The following PCDH15 variants were observed in gnomAD, a reference collection of about 807,000 sequenced individuals.
PCDH15 encodes the protein protocadherin-15.
A neutral mutation model predicts 178.5 loss-of-function variants in PCDH15; 129 were observed. The observed-to-expected ratio is 0.72, with a 90% CI of 0.63 to 0.84. The LOEUF is 0.84. Ranked by LOEUF, PCDH15 falls within the 40% of genes least tolerant of loss-of-function variation. The pLI is 0.00. For missense variants in PCDH15, 2,230 were observed against 2,099.9 expected, an observed-to-expected ratio of 1.06 and a Z score of -1.21; for synonymous variants, 800 against 732.0, an observed-to-expected ratio of 1.09 and a Z score of -1.50.
intron 2 of PCDH15, among the ~76,000 whole-genome samples, chr10:55,423,990 C>T (rs1206921731): frequency 6.6e-6 from 1 of 151,898 alleles, no homozygotes; most frequent in Non-Finnish European, 1.5e-5. Flanking sequence ...GTGTTGACTA[C>T]CAGAAATTGA....
At chr10:55,079,997 A>T (rs1841997087) in intron 2 of PCDH15, among the ~76,000 whole-genome samples, 1 of 152,058 alleles carries the variant, frequency 6.6e-6, no homozygotes, top group African/African-American at 2.4e-5. Flanking sequence ...GTGGGTTTGA[A>T]GAATCTGGCC....
At chr10:55,297,611 C>A (rs561874857) in intron 1 of PCDH15, among the ~76,000 whole-genome samples, 2 of 152,090 alleles carry the variant, frequency 1.3e-5, no homozygotes, top group African/African-American at 4.8e-5. Flanking sequence ...TCTCTCAAGA[C>A]TCAATTTATA....
intron 13 of PCDH15, among the ~76,000 whole-genome samples, chr10:54,181,530 T>G (rs918565848): frequency 6.6e-6 from 1 of 152,122 alleles, no homozygotes; most frequent in East Asian, 1.9e-4. Context: ...ATTTTTCAAT[T>G]GTCTCTTCTC....
intron 8 of PCDH15, among the ~76,000 whole-genome samples, chr10:54,255,901 A>G (rs560372260): frequency 6.6e-6 from 1 of 152,298 alleles, no homozygotes; most frequent in Admixed American, 6.5e-5. Context: ...AAGACGCCTC[A>G]GCATAGGTGC....
rs541151738 is a variant in PCDH15, at chr10:55,561,276, A to T, written c.-156+66349T>A. 7.4e-4 allele frequency among the ~76,000 whole-genome samples: 112 copies of T among 151,994 alleles called. 1 individual carries two copies. Among genetic ancestry groups the T allele is most frequent in the Middle Eastern group, 3.4e-3 (1 of 294 alleles). ...ATTTTATTATAGCCAGATTAGAAAC[A>T]TACAGGCTACAGTTTTCAAAACTAG... On this transcript the variant is annotated intron_variant, in intron 2 of 5. Transcript: ENST00000613346.
chr10:55,345,887 T>C (rs1454319982), intron 2 of PCDH15, among the ~76,000 whole-genome samples: 1 of 152,090 alleles, frequency 6.6e-6, no homozygotes, highest in African/African-American at 2.4e-5. Context: ...TGATAAATAG[T>C]TTATAATGGT....
At chr10:55,204,282 A>G (rs946706628) in intron 1 of PCDH15, among the ~76,000 whole-genome samples, 1 of 150,426 alleles carries the variant, frequency 6.6e-6, no homozygotes, top group Non-Finnish European at 1.5e-5. Flanking sequence ...TGTTTAATGT[A>G]TTGAATTTTA....
chr10:55,344,419 G>T, intron 2 of PCDH15, among the ~76,000 whole-genome samples: 1 of 152,030 alleles, frequency 6.6e-6, no homozygotes, highest in East Asian at 1.9e-4. Flanking sequence ...GGAGTTTATT[G>T]CAGTAATTTA....
chr10:55,154,502 G>A (rs117655966), intron 2 of PCDH15, among the ~76,000 whole-genome samples: 2,135 of 152,118 alleles, frequency 0.014, 22 homozygotes, highest in Non-Finnish European at 0.024. Flanking sequence ...TTGGCTTACC[G>A]AAGCTTACTA....
chr10:54,503,265 G>GTGTA (rs1555012103), intron 3 of PCDH15, among the ~76,000 whole-genome samples: 1 of 26,086 alleles, frequency 3.8e-5, no homozygotes, highest in African/African-American at 1.1e-4. Flanking sequence ...GTGTGTGTGT[G>GTGTA]ATTATATATA....
At chr10:55,093,023 A>G (rs1842355494) in intron 2 of PCDH15, among the ~76,000 whole-genome samples, 1 of 152,082 alleles carries the variant, frequency 6.6e-6, no homozygotes, top group African/African-American at 2.4e-5. Flanking sequence ...TTACAGATAT[A>G]TAGCACAATG....
At chr10:54,709,941 G>GTA (rs140527407) in intron 1 of PCDH15, among the ~76,000 whole-genome samples, 9 of 147,982 alleles carry the variant, frequency 6.1e-5, no homozygotes, top group African/African-American at 2.0e-4. Flanking sequence ...ACACCTTTAT[G>GTA]TATATATATA....
intron 3 of PCDH15, among the ~76,000 whole-genome samples, chr10:54,469,652 A>T (rs950099489): frequency 2.6e-5 from 4 of 152,154 alleles, no homozygotes; most frequent in Admixed American, 2.6e-4. Flanking sequence ...CACTGGTGTC[A>T]GCAGGTCTAT....
At chr10:55,237,943 A>C (rs1399955077) in intron 1 of PCDH15, among the ~76,000 whole-genome samples, 1 of 152,004 alleles carries the variant, frequency 6.6e-6, no homozygotes, top group African/African-American at 2.4e-5. Context: ...AATGACTAAA[A>C]TTTAGCTTTT....
chr10:55,360,369 AC>A (rs1845198737), intron 2 of PCDH15, among the ~76,000 whole-genome samples: 1 of 152,016 alleles, frequency 6.6e-6, no homozygotes, highest in African/African-American at 2.4e-5. Flanking sequence ...GTTTATTAGA[AC>A]ACACAACATG....
chr10:54,581,439 C>G (rs558636390), intron 2 of PCDH15, among the ~76,000 whole-genome samples: 2 of 152,106 alleles, frequency 1.3e-5, no homozygotes, highest in East Asian at 3.9e-4. Flanking sequence ...AGATGACACA[C>G]ACAATTATAA....
chr10:54,105,190 C>G (rs1160745864), intron 15 of PCDH15, among the ~76,000 whole-genome samples: 1 of 149,794 alleles, frequency 6.7e-6, no homozygotes, highest in East Asian at 2.0e-4. Flanking sequence ...AGAACCACTC[C>G]TGGCACCAAA....
chr10:54,564,638 T>A (rs2088728931), intron 2 of PCDH15, among the ~76,000 whole-genome samples: 1 of 152,158 alleles, frequency 6.6e-6, no homozygotes, highest in African/African-American at 2.4e-5. Flanking sequence ...AAGGGCTTTT[T>A]ATTTTTATTG....
At chr10:53,854,916 G>C (rs78829048) in intron 28 of PCDH15, among the ~76,000 whole-genome samples, 2 of 152,044 alleles carry the variant, frequency 1.3e-5, no homozygotes, top group Non-Finnish European at 2.9e-5. Flanking sequence ...ACAATGATAC[G>C]ATTCTCTCAA....
Sources: allele counts gnomAD v4.1 joint callset (sites outside exome capture counted in the v4.1 genomes callset), GRCh38; gene constraint gnomAD v4.1.1; transcripts MANE v1.5; gene names NCBI Gene and HGNC (gene_info 2026-07-23, HGNC 2026-07-21).